Variants in MYT1L observed in about 807,000 individuals in gnomAD.
MYT1L encodes myelin transcription factor 1 like, also known as myelin transcription factor 1-like protein.
A neutral mutation model predicts 126.7 loss-of-function variants in MYT1L; 12 were observed. The ratio of observed to expected loss-of-function variants is 0.09; its 90% CI spans 0.06 to 0.15. MYT1L has a LOEUF of 0.15. MYT1L is among the 10% of genes least tolerant of loss of function. The pLI, the probability that MYT1L is intolerant of heterozygous loss-of-function variation, is 1.00. For synonymous variants in MYT1L, 541 were observed against 604.2 expected, an observed-to-expected ratio of 0.90 and a Z score of 1.53; for missense variants, 979 against 1,585.2, an observed-to-expected ratio of 0.62 and a Z score of 6.49.
intron 3 of MYT1L, among the ~76,000 whole-genome samples, chr2:2,138,235 C>T (rs1164626010): frequency 3.3e-5 from 5 of 150,502 alleles, no homozygotes; most frequent in African/African-American, 1.2e-4. Flanking sequence ...AACACTTTTA[C>T]ACTGTTGGTG....
At chr2:1,879,950 A>G (rs2047335202) in intron 18 of MYT1L, among the ~76,000 whole-genome samples, 1 of 152,236 alleles carries the variant, frequency 6.6e-6, no homozygotes, top group Admixed American at 6.5e-5. Context: ...GAATGCTAAG[A>G]AACATTTCAT....
intron 2 of MYT1L, among the ~76,000 whole-genome samples, chr2:2,211,304 T>G (rs2093497123): frequency 6.6e-6 from 1 of 152,218 alleles, no homozygotes; most frequent in African/African-American, 2.4e-5. Context: ...AACATCCATT[T>G]TCAAAATGTT....
chr2:2,056,555 G>A (rs2069592575), intron 3 of MYT1L, among the ~76,000 whole-genome samples: 1 of 152,188 alleles, frequency 6.6e-6, no homozygotes, highest in African/African-American at 2.4e-5. Flanking sequence ...GTCCTCACTA[G>A]GTAAAGATTC....
At chr2:1,961,530 C>T (rs926594909) in intron 8 of MYT1L, among the ~76,000 whole-genome samples, 1 of 152,210 alleles carries the variant, frequency 6.6e-6, no homozygotes, top group South Asian at 2.1e-4. Context: ...CCTGGCTGTG[C>T]ATAAGACGCG....
At chr2:2,192,502 A>G (rs1457331569) in intron 2 of MYT1L, among the ~76,000 whole-genome samples, 1 of 151,448 alleles carries the variant, frequency 6.6e-6, no homozygotes, top group East Asian at 2.0e-4. Flanking sequence ...GCAGCAGAAT[A>G]TCTTAAACTT....
chr2:1,896,375 A>T (rs2049566741), intron 14 of MYT1L, among the ~76,000 whole-genome samples: 1 of 152,216 alleles, frequency 6.6e-6, no homozygotes, highest in Non-Finnish European at 1.5e-5. Flanking sequence ...CCAGAAAGAC[A>T]CATGCACTCG....
intron 5 of MYT1L, among the ~76,000 whole-genome samples, chr2:1,995,978 TG>T (rs1200355064): frequency 6.6e-6 from 1 of 152,036 alleles, no homozygotes; most frequent in African/African-American, 2.4e-5. Context: ...GTGACTGATA[TG>T]GAAGAGGAGA....
At chr2:2,201,088 C>T (rs1049368119) in intron 2 of MYT1L, among the ~76,000 whole-genome samples, 3 of 152,160 alleles carry the variant, frequency 2.0e-5, no homozygotes, top group Non-Finnish European at 2.9e-5. Flanking sequence ...AATACATTGC[C>T]ATGCCAACTA....
intron 2 of MYT1L, among the ~76,000 whole-genome samples, chr2:2,204,141 C>T (rs1259575760): frequency 6.6e-6 from 1 of 152,232 alleles, no homozygotes; most frequent in African/African-American, 2.4e-5. Flanking sequence ...CATGTTAGAC[C>T]TAAAACCATA....
rs548084109 is a variant in MYT1L, at chr2:2,320,574, G to T, written c.-521+10393C>A. Among the ~76,000 whole-genome samples the T allele has an allele frequency of 1.4e-4, 21 of 152,072 alleles. No individual in the cohort carries two copies. In the South Asian group the frequency reaches 4.4e-3, roughly 32 times the overall value. On this transcript the variant is annotated intron_variant, in intron 1 of 24. Coordinates refer to ENST00000647738, the MANE Select transcript of MYT1L (RefSeq NM_001303052.2). ...AACCAGTTACTCTTGAAGAGAAACA[G>T]CACAACACTGTTAGAACAACTACCA...
At chr2:2,074,754 G>A (rs1643410) in intron 3 of MYT1L, among the ~76,000 whole-genome samples, 11,581 of 152,082 alleles carry the variant, frequency 0.076, 1,322 homozygotes, top group African/African-American at 0.25. Flanking sequence ...TGGTTTTGAT[G>A]AACAAAAAAA....
intron 3 of MYT1L, among the ~76,000 whole-genome samples, chr2:2,163,792 T>A (rs1330511954): frequency 1.3e-5 from 2 of 151,704 alleles, no homozygotes; most frequent in Non-Finnish European, 2.9e-5. Flanking sequence ...GACTTCGACC[T>A]CCTGTGCTGT....
intron 2 of MYT1L, among the ~76,000 whole-genome samples, chr2:2,173,363 G>C (rs1178084837): frequency 6.6e-6 from 1 of 152,100 alleles, no homozygotes; most frequent in Non-Finnish European, 1.5e-5. Context: ...AATTTAATAG[G>C]GGAGAAATAT....
intron 5 of MYT1L, among the ~76,000 whole-genome samples, chr2:1,984,505 ATTTTT>A (rs35510686): frequency 6.1e-5 from 7 of 114,276 alleles, no homozygotes; most frequent in African/African-American, 1.1e-4. Flanking sequence ...CCAAGAACTA[ATTTTT>A]TTTTTTTTTT....
chr2:2,083,804 A>C (rs1202714921), intron 3 of MYT1L, among the ~76,000 whole-genome samples: 1 of 152,136 alleles, frequency 6.6e-6, no homozygotes, highest in Non-Finnish European at 1.5e-5. Flanking sequence ...TCCTATACTC[A>C]TTTTAGTATA....
intron 9 of MYT1L, among the ~76,000 whole-genome samples, chr2:1,941,883 A>G (rs898858541): frequency 1.3e-5 from 2 of 152,178 alleles, no homozygotes; most frequent in Non-Finnish European, 2.9e-5. Flanking sequence ...GTTTCCTAGT[A>G]CAAACTCCTC....
Position 1,801,808 on chromosome 2 carries a change from A to G in MYT1L, c.3173-9T>C. ...TTCATCATTTTCTATACCTGTAATAATGAATATTAGTATGTTAAAACTGTT... is the reference window on the plus strand; with the variant it reads ...TTCATCATTTTCTATACCTGTAATAGTGAATATTAGTATGTTAAAACTGTT... On this transcript the variant is annotated splice_polypyrimidine_tract_variant and intron_variant, in intron 22 of 24. Transcript: ENST00000647738. This position sits in a 1 kb window ranked among gnomAD's most constrained non-coding sequence, Gnocchi z 4.2. 1 of 1,523,390 alleles carries G rather than the reference A, an allele frequency of 6.6e-7. No individual in the cohort carries two copies. Among genetic ancestry groups the G allele is most frequent in the South Asian group, 1.1e-5 (1 of 86,988 alleles). The allele number at this position is 1,523,390 out of a possible 1,614,324, so 94.4% of individuals were successfully genotyped here. A position where few individuals can be genotyped will look rare whatever the true frequency, so the allele number is the denominator to read the frequency against.
intron 4 of MYT1L, among the ~76,000 whole-genome samples, chr2:2,025,984 TCTC>T (rs1262594189): frequency 6.6e-6 from 1 of 152,156 alleles, no homozygotes; most frequent in Non-Finnish European, 1.5e-5. Context: ...AGTGCCAAGT[TCTC>T]CTCCTAATCG....
At chr2:2,260,594 T>A (rs1310807151) in intron 2 of MYT1L, among the ~76,000 whole-genome samples, 1 of 152,238 alleles carries the variant, frequency 6.6e-6, no homozygotes, top group Non-Finnish European at 1.5e-5. Flanking sequence ...AATTTCTTTC[T>A]TTCGACCTTT....
Sources: allele counts gnomAD v4.1 joint callset (sites outside exome capture counted in the v4.1 genomes callset), GRCh38; gene constraint gnomAD v4.1.1; non-coding constraint Gnocchi (gnomAD v3.1); transcripts MANE v1.5; gene names NCBI Gene and HGNC (gene_info 2026-07-23, HGNC 2026-07-21).